The following FBXL7 variants were observed in gnomAD, a reference collection of about 807,000 sequenced individuals.
The protein encoded by FBXL7 is F-box/LRR-repeat protein 7.
A neutral mutation model predicts 38.3 loss-of-function variants in FBXL7; 12 were observed. The observed-to-expected ratio is 0.31, with a 90% confidence interval of 0.20 to 0.51. The LOEUF (loss-of-function observed/expected upper bound fraction) is 0.51, where lower values mean the gene tolerates loss of function less well. Among genes scored for constraint, FBXL7 ranks in the 20% least tolerant of loss-of-function variants. FBXL7 has a pLI of 0.98. For synonymous variants in FBXL7, 297 were observed against 300.9 expected (o/e 0.99, Z 0.13); for missense variants, 567 against 676.4 (o/e 0.84, Z 1.79).
chr5:15,804,557 C>A (rs944316459), intron 2 of FBXL7, among the ~76,000 whole-genome samples: 3 of 152,044 alleles, frequency 2.0e-5, no homozygotes, highest in Non-Finnish European at 4.4e-5. Context: ...AACAAAGTAC[C>A]CCACACTAGG....
intron 1 of FBXL7, among the ~76,000 whole-genome samples, chr5:15,553,276 C>T (rs1323140736): frequency 6.6e-6 from 1 of 152,138 alleles, no homozygotes; most frequent in Non-Finnish European, 1.5e-5. Flanking sequence ...TCCTAGGAGT[C>T]TTTGCAAATG....
chr5:15,783,107 G>A (rs1211685523), intron 2 of FBXL7, among the ~76,000 whole-genome samples: 2 of 152,160 alleles, frequency 1.3e-5, no homozygotes, highest in South Asian at 2.1e-4. Context: ...GAGAAGCAAC[G>A]AAGTTGAAGA....
At chr5:15,564,492 A>AT (rs879262806) in intron 1 of FBXL7, among the ~76,000 whole-genome samples, 4 of 152,032 alleles carry the variant, frequency 2.6e-5, no homozygotes, top group African/African-American at 7.2e-5. Context: ...GGCAGTGTTC[A>AT]TGGGATTTAT....
intron 2 of FBXL7, among the ~76,000 whole-genome samples, chr5:15,820,728 G>A (rs1252024350): frequency 6.6e-6 from 1 of 152,132 alleles, no homozygotes; most frequent in Non-Finnish European, 1.5e-5. Context: ...GAAAGGGAAT[G>A]CCTGGCTCCA....
chr5:15,938,876 C>T lies in FBXL7; in HGVS notation c.*1690C>T. On this transcript the variant is annotated 3_prime_UTR_variant, in exon 4 of 4. Transcript: ENST00000504595. ...GTCTTTTGCTAATAAACACATGGCC[C>T]TTTCCCAGATTATTCTCTAGCCAAG... 2.5e-6 allele frequency: 1 copy of T among 397,944 alleles called. No homozygotes were observed. Among genetic ancestry groups the T allele is most frequent in the East Asian group, 3.6e-5 (1 of 28,050 alleles). The allele number at this position is 397,944 out of a possible 1,614,324, so 24.7% of individuals were successfully genotyped here.
intron 2 of FBXL7, among the ~76,000 whole-genome samples, chr5:15,661,900 A>T (rs1401707638): frequency 6.6e-6 from 1 of 152,216 alleles, no homozygotes; most frequent in Non-Finnish European, 1.5e-5. Context: ...TCCATGGTGT[A>T]TATGTACCAC....
chr5:15,905,405 G>A (rs1741331950), intron 2 of FBXL7, among the ~76,000 whole-genome samples: 1 of 152,096 alleles, frequency 6.6e-6, no homozygotes, highest in African/African-American at 2.4e-5. Context: ...CTGGCCTAGA[G>A]TGAGGAATCC....
At chr5:15,525,752 A>G (rs1288117543) in intron 1 of FBXL7, among the ~76,000 whole-genome samples, 1 of 152,226 alleles carries the variant, frequency 6.6e-6, no homozygotes, top group East Asian at 1.9e-4. Flanking sequence ...TGTGATAAGA[A>G]GAGACTTTTG....
At chr5:15,847,296 T>G (rs1430269616) in intron 2 of FBXL7, among the ~76,000 whole-genome samples, 1 of 152,116 alleles carries the variant, frequency 6.6e-6, no homozygotes, top group East Asian at 1.9e-4. Flanking sequence ...ACATCCTTAT[T>G]CACATGGCAG....
chr5:15,702,162 C>T (rs1743543924), intron 2 of FBXL7, among the ~76,000 whole-genome samples: 1 of 151,348 alleles, frequency 6.6e-6, no homozygotes, highest in African/African-American at 2.4e-5. Context: ...CGCTTGAACC[C>T]AGGAGGCGGA....
intron 2 of FBXL7, among the ~76,000 whole-genome samples, chr5:15,798,164 A>C (rs1375196832): frequency 6.6e-6 from 1 of 152,178 alleles, no homozygotes; most frequent in Admixed American, 6.5e-5. Context: ...ATTGTTCTTC[A>C]TGTTCCTGGC....
rs1301480596 is a variant in FBXL7 at position 15,638,917 on chromosome 5, T to TAA, written c.127+22845_127+22846insAA. On this transcript the variant is annotated intron_variant, in intron 2 of 3. Coordinates refer to ENST00000504595, the MANE Select transcript of FBXL7 (RefSeq NM_012304.5). ...AATGACCCTCTGGAACTCTCCTTTT[T>TAA]TACTGAGCTCAACCCTGAAGTTCAG... is the stretch of plus-strand genomic sequence containing the variant. Among the ~76,000 whole-genome samples, 37 of 152,270 alleles carry TAA rather than the reference T, an allele frequency of 2.4e-4. 1 individual carries two copies. Among genetic ancestry groups the TAA allele is most frequent in the South Asian group, 6.2e-4 (3 of 4,822 alleles).
chr5:15,530,822 G>A (rs1412164869), intron 1 of FBXL7, among the ~76,000 whole-genome samples: 2 of 152,158 alleles, frequency 1.3e-5, no homozygotes, highest in Admixed American at 1.3e-4. Flanking sequence ...CATGCTTTGG[G>A]GCCAGCTGGG....
intron 2 of FBXL7, among the ~76,000 whole-genome samples, chr5:15,834,890 C>A (rs1325424992): frequency 6.6e-6 from 1 of 152,158 alleles, no homozygotes; most frequent in African/African-American, 2.4e-5. Flanking sequence ...TTGTTAAAGA[C>A]CTAAGTAGGC....
chr5:15,727,974 G>T (rs1352026448), intron 2 of FBXL7, among the ~76,000 whole-genome samples: 1 of 152,018 alleles, frequency 6.6e-6, no homozygotes, highest in Non-Finnish European at 1.5e-5. Context: ...CTTCAAGTTT[G>T]CTCATTCTTT....
intron 1 of FBXL7, among the ~76,000 whole-genome samples, chr5:15,514,253 T>C (rs747164515): frequency 1.3e-5 from 2 of 152,254 alleles, no homozygotes; most frequent in Non-Finnish European, 2.9e-5. Flanking sequence ...AGTTGCTGCC[T>C]GCAAATTTAA....
intron 2 of FBXL7, among the ~76,000 whole-genome samples, chr5:15,760,481 C>T (rs1488431666): frequency 3.3e-5 from 5 of 151,674 alleles, no homozygotes; most frequent in Admixed American, 2.0e-4. Flanking sequence ...TATTCAGGTC[C>T]GTCATGCTTC....
At chr5:15,643,195 G>A (rs1401556796) in intron 2 of FBXL7, among the ~76,000 whole-genome samples, 1 of 152,172 alleles carries the variant, frequency 6.6e-6, no homozygotes, top group African/African-American at 2.4e-5. Context: ...CTTCATCATG[G>A]AGCTGCTTCT....
chr5:15,512,417 G>A (rs1341241042), intron 1 of FBXL7, among the ~76,000 whole-genome samples: 3 of 152,106 alleles, frequency 2.0e-5, no homozygotes, highest in African/African-American at 7.2e-5. Flanking sequence ...CACACTGTAG[G>A]TCTTCAATAT....
Sources: allele counts gnomAD v4.1 joint callset (sites outside exome capture counted in the v4.1 genomes callset), GRCh38; gene constraint gnomAD v4.1.1; transcripts MANE v1.5; gene names NCBI Gene and HGNC (gene_info 2026-07-23, HGNC 2026-07-21).